The following ITGB5 variants were observed in gnomAD, a reference collection of about 807,000 sequenced individuals.
ITGB5 encodes integrin beta-5.
Under a neutral mutation model 84.8 loss-of-function variants are expected in ITGB5, and 38 were observed. The ratio of observed to expected loss-of-function variants is 0.45; its 90% CI spans 0.35 to 0.59. The LOEUF is 0.59. ITGB5 is among the 20% of genes least tolerant of loss of function. The probability of loss-of-function intolerance (pLI) is 0.01; values close to 1 mark genes in which losing one functional copy is unlikely to be tolerated. For synonymous variants in ITGB5, 393 were observed against 414.4 expected, an observed-to-expected ratio of 0.95 and a Z score of 0.63; for missense variants, 905 against 1,034.5, an observed-to-expected ratio of 0.87 and a Z score of 1.72.
At chr3:124,767,928 G>C (rs2063789967) in intron 12 of ITGB5, among the ~76,000 whole-genome samples, 1 of 152,102 alleles carries the variant, frequency 6.6e-6, no homozygotes, top group South Asian at 2.1e-4. Context: ...AATTTGCCAG[G>C]CATGGTGGCA....
chr3:124,798,041 C>A (rs77378823), intron 9 of ITGB5, among the ~76,000 whole-genome samples: 4 of 129,170 alleles, frequency 3.1e-5, no homozygotes, highest in African/African-American at 1.2e-4. Context: ...TCTATTCTTT[C>A]GGCTAGAATA....
intron 1 of ITGB5, among the ~76,000 whole-genome samples, chr3:124,880,603 G>A (rs190989916): frequency 1.4e-4 from 21 of 152,182 alleles, no homozygotes; most frequent in Non-Finnish European, 2.4e-4. Context: ...GACAGAGCGA[G>A]ATTCTGTCTT....
chr3:124,834,064 G>A (rs73860424), intron 5 of ITGB5, among the ~76,000 whole-genome samples: 3 of 152,246 alleles, frequency 2.0e-5, no homozygotes, highest in East Asian at 1.9e-4. Context: ...AACAGATTCC[G>A]GGGGAGGAAG....
upstream of ITGB5, chr3:124,887,444 C>T (rs1378119984): frequency 6.1e-6 from 1 of 163,632 alleles, no homozygotes; most frequent in Non-Finnish European, 1.3e-5. Context: ...TCCTCCCCTT[C>T]TCTCCCCTGC....
At chr3:124,884,527 C>G (rs928311535) in intron 1 of ITGB5, among the ~76,000 whole-genome samples, 1 of 152,086 alleles carries the variant, frequency 6.6e-6, no homozygotes, top group Non-Finnish European at 1.5e-5. Flanking sequence ...ATGGTGAAAC[C>G]CTGTCTCTAC....
intron 10 of ITGB5, among the ~76,000 whole-genome samples, chr3:124,782,383 C>T (rs1434891422): frequency 6.6e-6 from 1 of 152,192 alleles, no homozygotes; most frequent in Non-Finnish European, 1.5e-5. Context: ...ACGGAGTCCA[C>T]TACAGCCGAG....
chr3:124,766,248 G>C lies in ITGB5; in HGVS notation c.2115C>G (p.Asn705Lys). The C allele has an allele frequency of 1.9e-6, 3 of 1,614,082 alleles. No homozygotes were observed. The highest frequency in any genetic ancestry group is 2.5e-6 in the Non-Finnish European group (3 of 1,179,984). Residue 705 changes from asparagine (N) to lysine (K), a missense_variant, in exon 13 of 15, where the codon AAC (asparagine) becomes AAG (lysine). Physicochemically the swap from Asn to Lys is moderately conservative, Grantham distance 94. Coordinates refer to ENST00000296181, the MANE Select transcript of ITGB5 (RefSeq NM_002213.5). The stretch of plus-strand genomic sequence containing the variant: ...TACCTGGCTCCCTGAGGACGGTCAG[G>C]TTGGACTTCCCACTGGGGAGCTCCA... ...TYVELPSGKS[N>K]LTVLREPECG...
At chr3:124,841,025 G>C (rs1281333157) in intron 5 of ITGB5, among the ~76,000 whole-genome samples, 13 of 152,164 alleles carry the variant, frequency 8.5e-5, no homozygotes, top group Admixed American at 7.9e-4. Context: ...TGCCAAAATT[G>C]GTCCAGAAAG....
intron 4 of ITGB5, among the ~76,000 whole-genome samples, chr3:124,846,973 C>T (rs1175498700): frequency 6.6e-6 from 1 of 152,144 alleles, no homozygotes; most frequent in African/African-American, 2.4e-5. Flanking sequence ...AGTAGTTTGT[C>T]TGTATTCATA....
chr3:124,876,760 G>T (rs567801592), intron 1 of ITGB5, among the ~76,000 whole-genome samples: 1 of 152,208 alleles, frequency 6.6e-6, no homozygotes, highest in Non-Finnish European at 1.5e-5. Context: ...TACAGCAGGA[G>T]GATCTGAGGC....
chr3:124,880,905 G>A (rs1162353397), intron 1 of ITGB5, among the ~76,000 whole-genome samples: 1 of 151,850 alleles, frequency 6.6e-6, no homozygotes, highest in Non-Finnish European at 1.5e-5. Flanking sequence ...CTCCAGCCTG[G>A]GCAACAGAGT....
intron 14 of ITGB5, 84 bp downstream of exon 14, chr3:124,764,307 A>T (rs1384543893): frequency 7.2e-7 from 1 of 1,381,472 alleles, no homozygotes. Flanking sequence ...GACATTAGTG[A>T]GCCTCTATTG....
Position 124,794,776 on chromosome 3 carries a change from C to A in ITGB5, c.1693+1612G>T, listed in dbSNP as rs1249347212. ...CAGCCTAGGCAACAGAGCGAGACTT[C>A]ATCTCAAAAAAAAAAAGAAACAAGA... On this transcript the variant is annotated intron_variant, in intron 10 of 14. Transcript: ENST00000296181. Among the ~76,000 whole-genome samples the A allele has an allele frequency of 8.6e-5, 12 of 139,896 alleles. No individual in the cohort carries two copies. The East Asian group carries it at 1.9e-3, about 22-fold the overall frequency. The allele number at this position is 139,896 out of a possible 152,430, so 91.8% of individuals were successfully genotyped here.
chr3:124,764,511 G>C lies in ITGB5; in HGVS notation c.2184C>G (p.Val728=), dbSNP rs199981166. The part of the protein sequence containing the change: ...PNAMTILLAV[V]GSILLVGLAL... Reference sequence around the variant, plus strand: ...CAAGCCCAACAAGGAGGATGCTACCGACCACAGCCAGGAGGATGGTCATGG... The same window carrying C: ...CAAGCCCAACAAGGAGGATGCTACCCACCACAGCCAGGAGGATGGTCATGG... The change falls in exon 14 of 15, where the codon GTC becomes GTG. Residue 728 remains valine (V), a synonymous_variant. Transcript: ENST00000296181. 3 of 1,613,844 alleles carry C rather than the reference G, an allele frequency of 1.9e-6. No homozygotes were observed. The East Asian group carries it at 6.7e-5, about 36-fold the overall frequency.
intron 10 of ITGB5, among the ~76,000 whole-genome samples, chr3:124,793,921 G>A (rs898568015): frequency 5.3e-5 from 8 of 152,220 alleles, no homozygotes; most frequent in Non-Finnish European, 1.0e-4. Flanking sequence ...GTGTACTCAC[G>A]CTTGTGTCAC....
intron 10 of ITGB5, among the ~76,000 whole-genome samples, chr3:124,781,992 A>G (rs1462953387): frequency 6.6e-6 from 1 of 152,220 alleles, no homozygotes; most frequent in East Asian, 1.9e-4. Context: ...TTCTTAGTCA[A>G]TGTGCAATAG....
chr3:124,776,122 G>A (rs887885812), intron 10 of ITGB5, among the ~76,000 whole-genome samples: 8 of 152,160 alleles, frequency 5.3e-5, no homozygotes, highest in Non-Finnish European at 8.8e-5. Flanking sequence ...AGATGCGGGC[G>A]TGTGAGGGGT....
intron 5 of ITGB5, among the ~76,000 whole-genome samples, chr3:124,836,296 AC>A (rs1300770451): frequency 3.9e-5 from 6 of 152,046 alleles, no homozygotes; most frequent in Admixed American, 1.3e-4. Context: ...TGGGCAGATC[AC>A]TTGAGCCCAG....
At chr3:124,859,490 G>A (rs767326768) in intron 2 of ITGB5, 44 bp from the exon 3 acceptor site, 1 of 1,538,796 alleles carries the variant, frequency 6.5e-7, no homozygotes, top group Non-Finnish European at 8.9e-7. Flanking sequence ...TGGTCAGGGT[G>A]TCTCCCGAAA....
Sources: gnomAD v4.1 joint callset for allele counts (sites outside exome capture counted in the v4.1 genomes callset) on GRCh38, gnomAD v4.1.1 for gene constraint, MANE v1.5 for transcripts, NCBI Gene and HGNC (gene_info 2026-07-23, HGNC 2026-07-21) for gene names.